ITPR1: variants seen among roughly 807,000 people sequenced by gnomAD.
ITPR1 encodes the protein inositol 1,4,5-trisphosphate receptor type 1.
ITPR1 carries 96 observed loss-of-function variants against 318.4 expected under a neutral mutation model. The observed-to-expected ratio is 0.30, with a 90% CI of 0.26 to 0.36. The LOEUF (loss-of-function observed/expected upper bound fraction) is 0.36, where lower values mean the gene tolerates loss of function less well. Ranked by LOEUF, ITPR1 falls within the 10% of genes least tolerant of loss-of-function variation. ITPR1 has a pLI of 1.00. For synonymous variants in ITPR1, 1,312 were observed against 1,289.9 expected (o/e 1.02, Z -0.37); for missense variants, 2,440 against 3,460.2 (o/e 0.71, Z 7.40).
chr3:4,608,929 G>T (rs2091884969), intron 4 of ITPR1, among the ~76,000 whole-genome samples: 1 of 147,544 alleles, frequency 6.8e-6, no homozygotes, highest in Non-Finnish European at 1.5e-5. Context: ...TTGAACCCTG[G>T]AGGTAGAGGT....
intron 23 of ITPR1, among the ~76,000 whole-genome samples, chr3:4,676,256 G>A (rs1375561819): frequency 6.6e-6 from 1 of 151,938 alleles, no homozygotes; most frequent in African/African-American, 2.4e-5. Flanking sequence ...GAGGCAGGAA[G>A]ATTGTTTGAG....
chr3:4,609,087 T>TACACAC (rs1365493770), intron 4 of ITPR1, among the ~76,000 whole-genome samples: 53 of 96,902 alleles, frequency 5.5e-4, no homozygotes, highest in African/African-American at 2.1e-3. Flanking sequence ...TATATATATA[T>TACACAC]ATACACACAC....
chr3:4,603,577 G>T (rs1029841540), intron 4 of ITPR1, among the ~76,000 whole-genome samples: 2 of 152,006 alleles, frequency 1.3e-5, no homozygotes, highest in African/African-American at 2.4e-5. Context: ...CTACAGGGGC[G>T]CGCCACCACA....
intron 34 of ITPR1, among the ~76,000 whole-genome samples, chr3:4,699,372 T>C (rs538070351): frequency 2.0e-5 from 3 of 151,616 alleles, no homozygotes; most frequent in South Asian, 2.1e-4. Flanking sequence ...AAAAAAAGGA[T>C]TGGAGACGGT....
At chr3:4,614,146 G>C (rs2092288289) in intron 4 of ITPR1, among the ~76,000 whole-genome samples, 2 of 152,186 alleles carry the variant, frequency 1.3e-5, no homozygotes, top group African/African-American at 2.4e-5. Context: ...CATACCTCTA[G>C]TCCCAGCTAC....
At chr3:4,649,370 C>T (rs1575896600) in intron 10 of ITPR1, among the ~76,000 whole-genome samples, 1 of 152,142 alleles carries the variant, frequency 6.6e-6, no homozygotes, top group East Asian at 1.9e-4. Flanking sequence ...AAGTCAAGTG[C>T]CCCTCAAAAT....
At chr3:4,539,937 C>A (rs1439290715) in intron 4 of ITPR1, among the ~76,000 whole-genome samples, 4 of 148,468 alleles carry the variant, frequency 2.7e-5, no homozygotes, top group Admixed American at 2.0e-4. Context: ...TACAAATTAC[C>A]CAGTTTCAGG....
intron 4 of ITPR1, among the ~76,000 whole-genome samples, chr3:4,584,429 C>T (rs2089668954): frequency 2.6e-5 from 4 of 152,092 alleles, no homozygotes; most frequent in Non-Finnish European, 4.4e-5. Flanking sequence ...TACAGGCCCC[C>T]CAGTCCTCAG....
At position 4,766,702 on chromosome 3, in the gene ITPR1, G is replaced by C; in HGVS notation, c.5717G>C (p.Arg1906Pro). The stretch of plus-strand genomic sequence containing the variant: ...GAGGTAGACAGGGATGCCCCATCAC[G>C]GAAAAAAGGTAAATGTTCCTCAGTC... ...DDEVDRDAPS[R>P]KKAKEPTTQI... Residue 1906 changes from arginine (R) to proline (P), a missense_variant, in exon 45 of 62, where the codon CGG becomes CCG. Transcript: ENST00000649015. 6.3e-7 allele frequency: 1 copy of C among 1,591,540 alleles called. No individual in the cohort carries two copies. Among genetic ancestry groups the C allele is most frequent in the African/African-American group, 1.4e-5 (1 of 73,594 alleles).
At position 4,847,295 on chromosome 3, in the gene ITPR1, C is replaced by CATG. The variant is rs1307317721; in HGVS notation, c.*1073_*1075dup. 1 of 150,854 alleles carries CATG rather than the reference C, an allele frequency of 6.6e-6. No individual in the cohort carries two copies. The highest frequency in any genetic ancestry group is 2.4e-5 in the African/African-American group (1 of 40,826). 9.3% of individuals were successfully genotyped at this position (150,854 alleles called of 1,614,324 possible). A position where few individuals can be genotyped will look rare whatever the true frequency, so the allele number is the denominator to read the frequency against. ...CACATTTTGGTTTTATTTCTTGTCA[C>CATG]ATGATTTCTTTTCTTGATGGATGAA... On this transcript the variant is annotated 3_prime_UTR_variant, in exon 62 of 62. Transcript: ENST00000649015.
At chr3:4,537,746 C>T (rs1006186854) in intron 4 of ITPR1, among the ~76,000 whole-genome samples, 46 of 152,152 alleles carry the variant, frequency 3.0e-4, no homozygotes, top group African/African-American at 1.1e-3. Context: ...TTGAAGTCTC[C>T]AGAGGAATGC....
chr3:4,522,735 A>C (rs1165528031), intron 4 of ITPR1, among the ~76,000 whole-genome samples: 1 of 152,218 alleles, frequency 6.6e-6, no homozygotes, highest in Admixed American at 6.5e-5. Context: ...CCCACTGTGA[A>C]TATTAAAAGG....
chr3:4,802,303 T>C (rs185607853), intron 54 of ITPR1, among the ~76,000 whole-genome samples: 50 of 152,330 alleles, frequency 3.3e-4, no homozygotes, highest in African/African-American at 1.2e-3. Context: ...GAAACTCTGT[T>C]CCCAGTAGTG....
At chr3:4,640,311 G>T (rs1575846163) in intron 6 of ITPR1, among the ~76,000 whole-genome samples, 1 of 152,220 alleles carries the variant, frequency 6.6e-6, no homozygotes, top group African/African-American at 2.4e-5. Flanking sequence ...ACTAGTAAAA[G>T]ATTAGTAAAA....
chr3:4,753,459 A>G (rs2044704774), intron 44 of ITPR1, among the ~76,000 whole-genome samples: 1 of 152,102 alleles, frequency 6.6e-6, no homozygotes, highest in African/African-American at 2.4e-5. Flanking sequence ...TCTTACTGTC[A>G]GCTGCCAGGG....
chr3:4,760,850 C>T (rs1239126401), intron 44 of ITPR1, among the ~76,000 whole-genome samples: 1 of 152,188 alleles, frequency 6.6e-6, no homozygotes, highest in Non-Finnish European at 1.5e-5. Context: ...ATGTTGGGCC[C>T]ACCCGGGTAA....
intron 4 of ITPR1, among the ~76,000 whole-genome samples, chr3:4,604,004 A>AT (rs2091507648): frequency 6.6e-6 from 1 of 152,078 alleles, no homozygotes; most frequent in Non-Finnish European, 1.5e-5. Flanking sequence ...TTCTTTTTAA[A>AT]TTTTTTAATA....
At chr3:4,820,449 C>A (rs988429971) in intron 60 of ITPR1, among the ~76,000 whole-genome samples, 35 of 152,194 alleles carry the variant, frequency 2.3e-4, no homozygotes, top group African/African-American at 8.4e-4. Context: ...TTTTGGGTTT[C>A]TGTCTCAATC....
intron 4 of ITPR1, among the ~76,000 whole-genome samples, chr3:4,627,411 C>T (rs1384009762): frequency 6.6e-6 from 1 of 152,062 alleles, no homozygotes; most frequent in Non-Finnish European, 1.5e-5. Flanking sequence ...TCGCAGTGAG[C>T]CGAGGTTGTG....
Sources: gnomAD v4.1 joint callset for allele counts (sites outside exome capture counted in the v4.1 genomes callset) on GRCh38, gnomAD v4.1.1 for gene constraint, MANE v1.5 for transcripts, NCBI Gene and HGNC (gene_info 2026-07-23, HGNC 2026-07-21) for gene names.